The following DIMT1 variants were observed in gnomAD, a reference collection of about 807,000 sequenced individuals.
DIMT1 encodes the protein DIM1 rRNA methyltransferase and ribosome maturation factor.
A neutral mutation model predicts 43.2 loss-of-function variants in DIMT1; 36 were observed. The observed-to-expected ratio is 0.83, with a 90% CI of 0.64 to 1.10. The LOEUF (loss-of-function observed/expected upper bound fraction) is 1.10. DIMT1 is among the 50% of genes least tolerant of loss of function. The probability of loss-of-function intolerance (pLI) is 0.00; values close to 1 mark genes in which losing one functional copy is unlikely to be tolerated. For synonymous variants in DIMT1, 126 were observed against 130.3 expected, an observed-to-expected ratio of 0.97 and a Z score of 0.22; for missense variants, 341 against 385.3, an observed-to-expected ratio of 0.88 and a Z score of 0.96.
At chr5:62,390,601 C>T (rs1197588589) in intron 11 of DIMT1, among the ~76,000 whole-genome samples, 2 of 152,040 alleles carry the variant, frequency 1.3e-5, no homozygotes, top group Non-Finnish European at 2.9e-5. Flanking sequence ...AAGGGAGGAA[C>T]CTGCACACCA....
At chr5:62,400,757 T>C (rs1281358542) in intron 3 of DIMT1, among the ~76,000 whole-genome samples, 1 of 151,952 alleles carries the variant, frequency 6.6e-6, no homozygotes, top group Non-Finnish European at 1.5e-5. Context: ...GATCTATCTT[T>C]AGTTTTATTT....
Position 62,391,949 on chromosome 5 carries a change from A to C in DIMT1, c.792+222T>G. On this transcript the variant is annotated intron_variant, in intron 10 of 11. Coordinates refer to ENST00000199320, the MANE Select transcript of DIMT1 (RefSeq NM_014473.4). ...AAACAACTGTCAGTAGTTAGAGGAC[A>C]GGGTGGAGTAATCAAAGTTGCTCAT... The C allele has an allele frequency of 2.6e-6, 4 of 1,536,650 alleles. No individual in the cohort carries two copies. The Middle Eastern group carries it at 5.0e-4, about 193-fold the overall frequency.
intron 3 of DIMT1, among the ~76,000 whole-genome samples, chr5:62,399,537 A>G (rs912636456): frequency 1.4e-4 from 21 of 150,262 alleles, no homozygotes; most frequent in Non-Finnish European, 2.5e-4. Flanking sequence ...CCAGCTACTC[A>G]GGAGGCTGAG....
At chr5:62,397,774 G>A (rs866875504) in intron 6 of DIMT1, among the ~76,000 whole-genome samples, 3 of 151,676 alleles carry the variant, frequency 2.0e-5, no homozygotes, top group Admixed American at 6.6e-5. Flanking sequence ...TCAGCCTCCC[G>A]AGTGGCTGGG....
At chr5:62,391,382 C>T (rs1742300430) in intron 10 of DIMT1, 1 of 166,510 alleles carries the variant, frequency 6.0e-6, no homozygotes, top group Admixed American at 6.0e-5. Flanking sequence ...CTGCCCAAGC[C>T]TTGGGAATAT....
At chr5:62,399,891 C>G (rs1056716049) in intron 3 of DIMT1, among the ~76,000 whole-genome samples, 4 of 151,838 alleles carry the variant, frequency 2.6e-5, no homozygotes, top group Non-Finnish European at 5.9e-5. Context: ...GGCAACAGAG[C>G]GAGACTCCAT....
rs540721465 is a variant in DIMT1 at position 62,392,816 on chromosome 5, G to A, written c.728+110C>T. 4 of 619,212 alleles carry A rather than the reference G, an allele frequency of 6.5e-6. No individual in the cohort carries two copies. The East Asian group carries it at 8.9e-5, about 14-fold the overall frequency. 38.4% of individuals were successfully genotyped at this position (619,212 alleles called of 1,614,324 possible). On this transcript the variant is annotated intron_variant, in intron 9 of 11. Coordinates refer to ENST00000199320, the MANE Select transcript of DIMT1 (RefSeq NM_014473.4). ...ATAGTTTAAAAGGTGAAGTTTGTCT[G>A]GACCCATAATCTTTATGCTTTAGGG... is the stretch of plus-strand genomic sequence containing the variant.
intron 6 of DIMT1, among the ~76,000 whole-genome samples, chr5:62,395,102 A>G (rs1238879228): frequency 1.3e-5 from 2 of 150,594 alleles, no homozygotes; most frequent in African/African-American, 4.9e-5. Flanking sequence ...TCGGCTCACT[A>G]CAACTTCCGT....
Position 62,401,068 on chromosome 5 carries a change from C to T in DIMT1, c.240+968G>A, listed in dbSNP as rs568890549. On this transcript the variant is annotated intron_variant, in intron 3 of 11. Coordinates refer to ENST00000199320, the MANE Select transcript of DIMT1 (RefSeq NM_014473.4). ...GAAAGGCCCTCCCAGATCTATTATC[C>T]GCTTTTCTCTGCATCCTACAGATAA... 2.6e-4 allele frequency among the ~76,000 whole-genome samples: 39 copies of T among 152,286 alleles called. 1 individual carries two copies. Among genetic ancestry groups the T allele is most frequent in the African/African-American group, 7.2e-4 (30 of 41,560 alleles).
chr5:62,401,096 C>T (rs1742684590), intron 3 of DIMT1, among the ~76,000 whole-genome samples: 2 of 152,194 alleles, frequency 1.3e-5, no homozygotes, highest in South Asian at 4.1e-4. Flanking sequence ...ACAGATAATG[C>T]AGTTCAGCTC....
chr5:62,391,776 AT>A, intron 10 of DIMT1: 7 of 1,388,120 alleles, frequency 5.0e-6, no homozygotes, highest in Non-Finnish European at 6.5e-6. Flanking sequence ...TAATAACTAT[AT>A]TTGTAACTGC....
At chr5:62,401,676 G>C (rs1366748554) in intron 3 of DIMT1, among the ~76,000 whole-genome samples, 1 of 139,362 alleles carries the variant, frequency 7.2e-6, no homozygotes, top group African/African-American at 2.7e-5. Flanking sequence ...TCTGCCTTCC[G>C]GGTTCAAGTG....
chr5:62,392,139 CAATG>C lies in DIMT1; in HGVS notation c.792+28_792+31del, dbSNP rs551176697. The stretch of plus-strand genomic sequence containing the variant: ...ATGGACATTTTAAAAGAAAACAAAT[CAATG>C]AAACTGCAGGAACATTTTCTAACTT... On this transcript the variant is annotated intron_variant, in intron 10 of 11. Coordinates refer to ENST00000199320, the MANE Select transcript of DIMT1 (RefSeq NM_014473.4). 2.9e-3 allele frequency: 4,614 copies of C among 1,607,036 alleles called. 161 individuals are homozygous for C. The South Asian group carries it at 0.048, about 17-fold the overall frequency.
At chr5:62,403,596 A>C (rs1305983917) in intron 1 of DIMT1, 98 bp downstream of exon 1, 1 of 1,417,864 alleles carries the variant, frequency 7.1e-7, no homozygotes, top group Admixed American at 2.0e-5. Flanking sequence ...GCGCGTCCTG[A>C]CCGGCCTCTG....
chr5:62,394,361 G>C (rs562452624), intron 7 of DIMT1, 123 bp downstream of exon 7: 1 of 1,066,876 alleles, frequency 9.4e-7, no homozygotes, highest in Non-Finnish European at 1.4e-6. Context: ...CCAGCTACTC[G>C]GGACTCGAGA....
At chr5:62,396,582 C>T (rs1311831600) in intron 6 of DIMT1, among the ~76,000 whole-genome samples, 2 of 152,044 alleles carry the variant, frequency 1.3e-5, no homozygotes, top group East Asian at 1.9e-4. Flanking sequence ...TTGAAACTCT[C>T]GAAAAATTGC....
chr5:62,392,874 T>A, intron 9 of DIMT1, 52 bp downstream of exon 9: 4 of 1,281,560 alleles, frequency 3.1e-6, no homozygotes, highest in Non-Finnish European at 4.5e-6. Context: ...AATTCTAGCA[T>A]AGTATCTGGA....
In DIMT1 at chr5:62,401,953, A is replaced by G. The variant is rs890639873; in HGVS notation, c.240+83T>C. 6.1e-6 allele frequency: 8 copies of G among 1,301,648 alleles called. No homozygotes were observed. In the African/African-American group the frequency reaches 7.5e-5, roughly 12 times the overall value. 80.6% of individuals were successfully genotyped at this position (1,301,648 alleles called of 1,614,324 possible). ...AGTTACTACTAAAATAATAGCAATT[A>G]GTTAAAACATATTTAGATTGTAAAC... is the stretch of plus-strand genomic sequence containing the variant. On this transcript the variant is annotated intron_variant, in intron 3 of 11. Coordinates refer to ENST00000199320, the MANE Select transcript of DIMT1 (RefSeq NM_014473.4).
At chr5:62,392,462 C>T (rs532800603) in intron 9 of DIMT1, among the ~76,000 whole-genome samples, 4 of 152,072 alleles carry the variant, frequency 2.6e-5, no homozygotes, top group African/African-American at 9.6e-5. Context: ...AATCCTAATA[C>T]CTCTTAAATT....
Sources: allele counts gnomAD v4.1 joint callset (sites outside exome capture counted in the v4.1 genomes callset), GRCh38; gene constraint gnomAD v4.1.1; transcripts MANE v1.5; gene names NCBI Gene and HGNC (gene_info 2026-07-23, HGNC 2026-07-21).